DGKH: variants seen among roughly 807,000 people sequenced by gnomAD.
The protein encoded by DGKH is diacylglycerol kinase eta.
DGKH carries 90 observed loss-of-function variants against 159.3 expected under a neutral mutation model. The observed-to-expected ratio is 0.57, with a 90% CI of 0.48 to 0.67. DGKH has a LOEUF of 0.67. Among genes scored for constraint, DGKH ranks in the 30% least tolerant of loss-of-function variants. The pLI is 0.00. For synonymous variants in DGKH, 536 were observed against 553.8 expected, an observed-to-expected ratio of 0.97 and a Z score of 0.45; for missense variants, 1,181 against 1,506.1, an observed-to-expected ratio of 0.78 and a Z score of 3.57.
At chr13:42,196,336 A>G (rs112697746) in intron 17 of DGKH, among the ~76,000 whole-genome samples, 318 of 152,362 alleles carry the variant, frequency 2.1e-3, no homozygotes, top group African/African-American at 7.3e-3. Context: ...ATGTCTACAC[A>G]AAAACTTGTT....
intron 21 of DGKH, among the ~76,000 whole-genome samples, chr13:42,206,430 A>G (rs1957473747): frequency 6.6e-6 from 1 of 152,194 alleles, no homozygotes; most frequent in African/African-American, 2.4e-5. Context: ...TGGAAAGTAG[A>G]TTTATGAAAT....
chr13:42,190,304 G>T (rs36095934), intron 15 of DGKH, 99 bp from the exon 16 acceptor site: 170,964 of 1,407,798 alleles, frequency 0.12, 13,362 homozygotes, highest in East Asian at 0.42. Context: ...CTGGAATTTT[G>T]TTTGGCATAT....
chr13:42,162,956 C>A (rs1342620515), intron 7 of DGKH, among the ~76,000 whole-genome samples: 3 of 150,842 alleles, frequency 2.0e-5, no homozygotes, highest in African/African-American at 4.9e-5. Context: ...TAGTGTGCTG[C>A]ACCCATTAAC....
intron 24 of DGKH, 90 bp from the exon 25 acceptor site, chr13:42,214,417 A>T: frequency 8.3e-7 from 1 of 1,211,354 alleles, no homozygotes; most frequent in Non-Finnish European, 1.2e-6. Context: ...TATATTTTTT[A>T]CTTGTTTTAT....
At chr13:42,105,529 G>A (rs1954734504) in intron 1 of DGKH, among the ~76,000 whole-genome samples, 1 of 152,118 alleles carries the variant, frequency 6.6e-6, no homozygotes, top group African/African-American at 2.4e-5. Flanking sequence ...GATGAGTAGT[G>A]AATTATCTTC....
chr13:42,178,330 G>T, intron 13 of DGKH, 110 bp downstream of exon 13: 1 of 808,286 alleles, frequency 1.2e-6, no homozygotes, highest in Non-Finnish European at 1.8e-6. Flanking sequence ...TATCTTGGAA[G>T]TAGCTTATAA....
At chr13:42,255,779 G>A in intron 30 of DGKH, 1 of 489,168 alleles carries the variant, frequency 2.0e-6, no homozygotes, top group Non-Finnish European at 3.6e-6. Flanking sequence ...AAATATAAGG[G>A]AATATTTTCT....
chr13:42,252,322 C>G (rs931644692), intron 29 of DGKH: 1 of 152,070 alleles, frequency 6.6e-6, no homozygotes, highest in African/African-American at 2.4e-5. Flanking sequence ...GTAGAATTGT[C>G]TATTTTTCTG....
intron 1 of DGKH, among the ~76,000 whole-genome samples, chr13:42,115,368 G>A (rs1166501180): frequency 6.6e-6 from 1 of 152,118 alleles, no homozygotes; most frequent in Non-Finnish European, 1.5e-5. Context: ...AAAAATAAAT[G>A]AGGTACAGTT....
At chr13:42,119,739 T>C (rs1224083551) in intron 1 of DGKH, among the ~76,000 whole-genome samples, 1 of 152,228 alleles carries the variant, frequency 6.6e-6, no homozygotes, top group Non-Finnish European at 1.5e-5. Context: ...AATGTGCATT[T>C]CAGTAGCTTT....
At position 42,206,065 on chromosome 13, in the gene DGKH, C is replaced by A; in HGVS notation, c.2520C>A (p.Pro840=). Residue 840 remains proline, a synonymous_variant, in exon 21 of 30, where the codon CCC becomes CCA. Transcript: ENST00000337343. ...LECDGQYIPL[P]SLQGIAVLNI... is the part of the protein sequence containing the mutation. ...GTGATGGGCAGTATATTCCTCTTCCCAGCTTGCAAGGCATAGCCGTGTTGA... is the reference window on the plus strand; with the variant it reads ...GTGATGGGCAGTATATTCCTCTTCCAAGCTTGCAAGGCATAGCCGTGTTGA... 1 of 1,431,658 alleles carries A rather than the reference C, an allele frequency of 7.0e-7. No homozygotes were observed. Among genetic ancestry groups the A allele is most frequent in the Non-Finnish European group, 9.2e-7 (1 of 1,085,508 alleles). The allele number at this position is 1,431,658 out of a possible 1,614,324, so 88.7% of individuals were successfully genotyped here.
intron 1 of DGKH, among the ~76,000 whole-genome samples, chr13:42,076,813 T>C (rs559637359): frequency 2.0e-3 from 310 of 152,320 alleles, no homozygotes; most frequent in African/African-American, 7.2e-3. Context: ...CAAGGGAAGC[T>C]GCTTGAATCT....
chr13:42,125,849 A>T (rs986915893), intron 1 of DGKH, among the ~76,000 whole-genome samples: 1 of 152,196 alleles, frequency 6.6e-6, no homozygotes, highest in African/African-American at 2.4e-5. Flanking sequence ...ATTCATATAG[A>T]TCTCATTATC....
chr13:42,046,003 A>C (rs962892950), upstream of DGKH, among the ~76,000 whole-genome samples: 6 of 152,222 alleles, frequency 3.9e-5, no homozygotes, highest in African/African-American at 1.4e-4. Context: ...CAGGATCTCT[A>C]TTAAGTAAAA....
intron 1 of DGKH, among the ~76,000 whole-genome samples, chr13:42,073,333 A>T (rs1883098332): frequency 6.6e-6 from 1 of 152,210 alleles, no homozygotes; most frequent in Non-Finnish European, 1.5e-5. Flanking sequence ...GTCCTTTCTT[A>T]TAGTGGGGGA....
chr13:42,134,870 G>C (rs1347258860), intron 3 of DGKH, among the ~76,000 whole-genome samples: 1 of 152,154 alleles, frequency 6.6e-6, no homozygotes, highest in Non-Finnish European at 1.5e-5. Context: ...CCAGCTATTT[G>C]GGAGGCTGAG....
intron 5 of DGKH, among the ~76,000 whole-genome samples, chr13:42,157,591 C>T (rs920523723): frequency 2.6e-5 from 4 of 152,114 alleles, no homozygotes; most frequent in Non-Finnish European, 5.9e-5. Flanking sequence ...AGTTGTAAGC[C>T]ACCACGCCCA....
At chr13:42,149,893 T>C (rs143467120) in intron 3 of DGKH, among the ~76,000 whole-genome samples, 2 of 152,324 alleles carry the variant, frequency 1.3e-5, no homozygotes, top group East Asian at 3.9e-4. Flanking sequence ...TTTATTGAAC[T>C]CACAAGGAGC....
At chr13:42,063,427 C>T (rs1451588708) in intron 1 of DGKH, among the ~76,000 whole-genome samples, 3 of 152,132 alleles carry the variant, frequency 2.0e-5, no homozygotes, top group Non-Finnish European at 4.4e-5. Flanking sequence ...CAGTTTAGCA[C>T]AGTGGTTAGC....
Sources: gnomAD v4.1 joint callset for allele counts (sites outside exome capture counted in the v4.1 genomes callset) on GRCh38, gnomAD v4.1.1 for gene constraint, MANE v1.5 for transcripts, NCBI Gene and HGNC (gene_info 2026-07-23, HGNC 2026-07-21) for gene names.